The following AFF1 variants were observed in gnomAD, a reference collection of about 807,000 sequenced individuals.
The protein encoded by AFF1 is AF4/FMR2 family member 1.
Under a neutral mutation model 121.7 loss-of-function variants are expected in AFF1, and 48 were observed. The ratio of observed to expected loss-of-function variants is 0.39; its 90% CI spans 0.31 to 0.50. The LOEUF (loss-of-function observed/expected upper bound fraction) is 0.50. Ranked by LOEUF, AFF1 falls within the 20% of genes least tolerant of loss-of-function variation. The pLI is 0.76. For missense variants in AFF1, 1,523 were observed against 1,511.7 expected (o/e 1.01, Z -0.12); for synonymous variants, 613 against 563.0 (o/e 1.09, Z -1.26).
intron 4 of AFF1, among the ~76,000 whole-genome samples, chr4:87,054,851 A>G (rs562745249): frequency 1.4e-4 from 21 of 152,342 alleles, no homozygotes; most frequent in Admixed American, 3.9e-4. Context: ...GGGCCTGCAG[A>G]CAAATTATTT....
At chr4:86,959,955 C>T (rs1722027717) in intron 2 of AFF1, among the ~76,000 whole-genome samples, 2 of 152,110 alleles carry the variant, frequency 1.3e-5, no homozygotes, top group African/African-American at 2.4e-5. Flanking sequence ...GCCAGGGCCT[C>T]GTTTGCAAAT....
At chr4:87,123,262 T>TAA (rs1466403852) in intron 12 of AFF1, among the ~76,000 whole-genome samples, 1 of 152,224 alleles carries the variant, frequency 6.6e-6, no homozygotes, top group African/African-American at 2.4e-5. Flanking sequence ...CCAAAATATG[T>TAA]AAGTCTGTTA....
intron 2 of AFF1, among the ~76,000 whole-genome samples, chr4:86,952,888 G>A (rs1193560622): frequency 6.9e-6 from 1 of 145,726 alleles, no homozygotes; most frequent in Non-Finnish European, 1.5e-5. Flanking sequence ...TTTATTTTCA[G>A]TAGAGATGTG....
chr4:87,052,514 G>T (rs1370279347), intron 4 of AFF1, among the ~76,000 whole-genome samples: 1 of 152,024 alleles, frequency 6.6e-6, no homozygotes, highest in Non-Finnish European at 1.5e-5. Flanking sequence ...TGGAACTGGC[G>T]ACATAGGCAG....
chr4:87,039,937 T>A (rs1235217892), intron 2 of AFF1, among the ~76,000 whole-genome samples: 1 of 152,202 alleles, frequency 6.6e-6, no homozygotes, highest in Non-Finnish European at 1.5e-5. Context: ...AGTCTCGCTC[T>A]GTAGCCCAGG....
intron 8 of AFF1, among the ~76,000 whole-genome samples, chr4:87,099,190 T>G (rs930718738): frequency 1.8e-4 from 27 of 152,242 alleles, no homozygotes; most frequent in Non-Finnish European, 3.8e-4. Flanking sequence ...GAGTACAATT[T>G]GCTGATAAAT....
At chr4:87,041,668 A>G (rs951598155) in intron 2 of AFF1, among the ~76,000 whole-genome samples, 3 of 132,110 alleles carry the variant, frequency 2.3e-5, no homozygotes, top group Admixed American at 7.2e-5. Flanking sequence ...CAGGACTGGA[A>G]AAAAAAAAAG....
intron 2 of AFF1, among the ~76,000 whole-genome samples, chr4:86,992,070 C>T (rs987381453): frequency 2.6e-5 from 4 of 152,068 alleles, no homozygotes; most frequent in African/African-American, 9.7e-5. Flanking sequence ...AGTGATTTTC[C>T]AAAGGCTTGT....
intron 13 of AFF1, chr4:87,125,388 A>G (rs1246239445): frequency 3.2e-6 from 1 of 315,602 alleles, no homozygotes; most frequent in Non-Finnish European, 5.7e-6. Flanking sequence ...TTCTTTAGAC[A>G]TCTGGATTTT....
chr4:87,030,530 T>G (rs1036249409), intron 2 of AFF1, among the ~76,000 whole-genome samples: 1 of 152,172 alleles, frequency 6.6e-6, no homozygotes, highest in Non-Finnish European at 1.5e-5. Flanking sequence ...CCGCTGGCAG[T>G]CTTACCCTTC....
chr4:86,949,586 GGT>G (rs1721146193), intron 2 of AFF1: 1 of 1,062,776 alleles, frequency 9.4e-7, no homozygotes, highest in Non-Finnish European at 1.4e-6. Flanking sequence ...CTTTATTCCG[GGT>G]GCTGGAGAGC....
At chr4:87,020,983 G>A (rs1393231639) in intron 2 of AFF1, among the ~76,000 whole-genome samples, 9 of 152,126 alleles carry the variant, frequency 5.9e-5, no homozygotes, top group Non-Finnish European at 1.2e-4. Context: ...GAAGATTTCT[G>A]AACCCTTCCT....
chr4:87,084,463 CG>C (rs1239075920), intron 5 of AFF1, among the ~76,000 whole-genome samples: 1 of 151,702 alleles, frequency 6.6e-6, no homozygotes, highest in Non-Finnish European at 1.5e-5. Context: ...CTCCTGAACT[CG>C]ATTGAACCCG....
intron 4 of AFF1, among the ~76,000 whole-genome samples, chr4:87,054,323 G>A (rs540600634): frequency 6.6e-5 from 10 of 152,122 alleles, no homozygotes; most frequent in Non-Finnish European, 1.5e-4. Flanking sequence ...TGGGTCTCGG[G>A]CACAAGGATC....
chr4:86,985,211 A>ATATATATATATATAAAAT (rs1724140168), intron 2 of AFF1, among the ~76,000 whole-genome samples: 1 of 128,780 alleles, frequency 7.8e-6, no homozygotes, highest in Admixed American at 8.0e-5. Flanking sequence ...ATATATATAT[A>ATATATATATATATAAAAT]TATAAAATTA....
rs187949576 is a variant in AFF1 at position 87,139,541 on chromosome 4, A to G, written c.*3840A>G. ...GTGCTTTCTTTAGAAACACAAGAGT[A>G]TAGATTTTTCTCACTGAAAAGTGAG... On this transcript the variant is annotated 3_prime_UTR_variant, in exon 21 of 21. Coordinates refer to ENST00000395146, the MANE Select transcript of AFF1 (RefSeq NM_001166693.3). 4.3e-6 allele frequency: 1 copy of G among 230,706 alleles called. No homozygotes were observed. Among genetic ancestry groups the G allele is most frequent in the Non-Finnish European group, 8.6e-6 (1 of 116,250 alleles). The allele number at this position is 230,706 out of a possible 1,614,324, so 14.3% of individuals were successfully genotyped here.
rs961945421 is a variant in AFF1, at chr4:87,094,848, G to T, written c.1229-67G>T. 3.4e-5 allele frequency: 51 copies of T among 1,513,022 alleles called. No homozygotes were observed. In the South Asian group the frequency reaches 5.6e-4, roughly 17 times the overall value. 93.7% of individuals were successfully genotyped at this position (1,513,022 alleles called of 1,614,324 possible). ...GTAAAAACTGGGGACCGACATAAAA[G>T]AACTCACAACTAAGGATCTTGTAAA... On this transcript the variant is annotated intron_variant, in intron 7 of 20. Coordinates refer to ENST00000395146, the MANE Select transcript of AFF1 (RefSeq NM_001166693.3).
intron 2 of AFF1, among the ~76,000 whole-genome samples, chr4:87,010,327 G>A (rs542192777): frequency 7.9e-5 from 12 of 152,180 alleles, no homozygotes; most frequent in Non-Finnish European, 1.2e-4. Context: ...TTGGTTTATT[G>A]TATTCCTAGA....
In AFF1 at chr4:87,022,584, CTATCTATATCTA is replaced by C. The variant is rs1422951155; in HGVS notation, c.39-23580_39-23569del. Among the ~76,000 whole-genome samples, 1,017 of 111,926 alleles carry C rather than the reference CTATCTATATCTA, an allele frequency of 9.1e-3. 9 individuals are homozygous for C. The highest frequency in any genetic ancestry group is 0.013 in the Non-Finnish European group (729 of 54,878). The allele number at this position is 111,926 out of a possible 152,430, so 73.4% of individuals were successfully genotyped here. A position where few individuals can be genotyped will look rare whatever the true frequency, so the allele number is the denominator to read the frequency against. On this transcript the variant is annotated intron_variant, in intron 2 of 20. Transcript: ENST00000395146. ...TATATATATATATATATATATATATCTATCTATATCTATCTGTGTGTATATATATCTGTGTGT... is the reference window on the plus strand; with the variant it reads ...TATATATATATATATATATATATATCTCTGTGTGTATATATATCTGTGTGT...
Sources: allele counts gnomAD v4.1 joint callset (sites outside exome capture counted in the v4.1 genomes callset), GRCh38; gene constraint gnomAD v4.1.1; transcripts MANE v1.5; gene names NCBI Gene and HGNC (gene_info 2026-07-23, HGNC 2026-07-21).